The following RIPOR3 variants were observed in gnomAD, a reference collection of about 807,000 sequenced individuals.
RIPOR3 encodes the protein family with sequence similarity 65 member C.
RIPOR3 carries 95 observed loss-of-function variants against 114.3 expected under a neutral mutation model. That is an observed-to-expected ratio of 0.83 (90% confidence interval 0.70 to 0.99). RIPOR3 has a LOEUF of 0.99. Ranked by LOEUF, RIPOR3 falls within the 50% of genes least tolerant of loss-of-function variation. The pLI, the probability that RIPOR3 is intolerant of heterozygous loss-of-function variation, is 0.00. For synonymous variants in RIPOR3, 575 were observed against 543.8 expected (o/e 1.06, Z -0.80); for missense variants, 1,252 against 1,266.9 (o/e 0.99, Z 0.18).
chr20:50,592,772 G>A (rs1372613611), intron 18 of RIPOR3, among the ~76,000 whole-genome samples: 1 of 152,114 alleles, frequency 6.6e-6, no homozygotes, highest in Non-Finnish European at 1.5e-5. Context: ...TAAAACCACA[G>A]CCCACACTTC....
intron 1 of RIPOR3, among the ~76,000 whole-genome samples, chr20:50,637,580 G>A (rs922957875): frequency 6.6e-6 from 1 of 152,014 alleles, no homozygotes; most frequent in African/African-American, 2.4e-5. Flanking sequence ...AAAGTTTTTG[G>A]GGCCAGGCAC....
chr20:50,588,326 AC>A (rs1198750422), intron 20 of RIPOR3, among the ~76,000 whole-genome samples: 6 of 152,360 alleles, frequency 3.9e-5, no homozygotes, highest in African/African-American at 1.4e-4. Context: ...AGCGCCCTCT[AC>A]TGGGCACCTG....
chr20:50,611,318 C>T, intron 4 of RIPOR3, 114 bp from the exon 5 acceptor site: 1 of 1,392,488 alleles, frequency 7.2e-7, no homozygotes, highest in South Asian at 1.2e-5. Context: ...GACAGAAAGC[C>T]ATGTCTACAG....
intron 1 of RIPOR3, among the ~76,000 whole-genome samples, chr20:50,679,104 C>CA (rs1215128742): frequency 1.7e-4 from 6 of 35,980 alleles, no homozygotes; most frequent in African/African-American, 1.1e-3. Flanking sequence ...GATCCTGTCT[C>CA]AAAAAAAAAA....
intron 1 of RIPOR3, among the ~76,000 whole-genome samples, chr20:50,688,675 C>G (rs888204306): frequency 6.6e-6 from 1 of 152,112 alleles, no homozygotes; most frequent in Admixed American, 6.6e-5. Context: ...CACATCTGCC[C>G]AGAACCCAGG....
At chr20:50,645,803 G>C (rs1020699612) in intron 1 of RIPOR3, 1 of 152,222 alleles carries the variant, frequency 6.6e-6, no homozygotes, top group Non-Finnish European at 1.5e-5. Flanking sequence ...CGGTGGAGCC[G>C]GGTCTGTTTG....
intron 1 of RIPOR3, among the ~76,000 whole-genome samples, chr20:50,674,149 G>A (rs1186547540): frequency 6.6e-6 from 1 of 152,176 alleles, no homozygotes; most frequent in Non-Finnish European, 1.5e-5. Flanking sequence ...GTGTGGGCCA[G>A]GAAAGAGCAT....
chr20:50,676,717 GCTC>G (rs1342552093), intron 1 of RIPOR3, among the ~76,000 whole-genome samples: 2 of 151,256 alleles, frequency 1.3e-5, no homozygotes, highest in Admixed American at 6.6e-5. Flanking sequence ...CTCCCTAAGG[GCTC>G]CACAACATCA....
chr20:50,635,660 G>C (rs1186322622), intron 1 of RIPOR3, among the ~76,000 whole-genome samples: 1 of 150,956 alleles, frequency 6.6e-6, no homozygotes, highest in Admixed American at 6.6e-5. Flanking sequence ...CTCAAAAGAA[G>C]GAAAGGAAGG....
intron 1 of RIPOR3, among the ~76,000 whole-genome samples, chr20:50,634,710 C>A (rs1257707629): frequency 6.6e-6 from 1 of 152,182 alleles, no homozygotes; most frequent in African/African-American, 2.4e-5. Context: ...GACTCTAAGG[C>A]AAAGATGGAC....
chr20:50,641,065 A>G (rs2085173933), intron 1 of RIPOR3, among the ~76,000 whole-genome samples: 1 of 150,654 alleles, frequency 6.6e-6, no homozygotes, highest in Non-Finnish European at 1.5e-5. Context: ...ATGCACCACC[A>G]CGCCTGGGTA....
At chr20:50,643,706 CTTTTTTTTTT>C (rs71190582) in intron 1 of RIPOR3, among the ~76,000 whole-genome samples, 20 of 134,930 alleles carry the variant, frequency 1.5e-4, no homozygotes, top group African/African-American at 5.6e-4. Context: ...TTCTTTCTTT[CTTTTTTTTTT>C]TTTTTTTGAG....
rs140834385 is a variant in RIPOR3, at chr20:50,685,177, G to A, written c.3+5949C>T. 3.7e-3 allele frequency among the ~76,000 whole-genome samples: 557 copies of A among 151,934 alleles called. 2 individuals carry two copies. The highest frequency in any genetic ancestry group is 0.013 in the African/African-American group (536 of 41,428). Reference sequence around the variant, plus strand: ...AGACCTGGTTATAAAGTAGAGACATGGCCATCCAAACTGAGCCCTTCTTGA... The same window carrying A: ...AGACCTGGTTATAAAGTAGAGACATAGCCATCCAAACTGAGCCCTTCTTGA... On this transcript the variant is annotated intron_variant, in intron 1 of 21. Coordinates refer to ENST00000327979, the MANE Select transcript of RIPOR3 (RefSeq NM_001290268.2).
intron 2 of RIPOR3, among the ~76,000 whole-genome samples, chr20:50,622,692 C>CAGAGAGAGAG (rs139986638): frequency 6.7e-6 from 1 of 150,208 alleles, no homozygotes; most frequent in African/African-American, 2.4e-5. Context: ...CTCTGGACTG[C>CAGAGAGAGAG]AGAGAGAGAG....
At chr20:50,663,251 T>G (rs2086062958) in intron 1 of RIPOR3, among the ~76,000 whole-genome samples, 1 of 152,182 alleles carries the variant, frequency 6.6e-6, no homozygotes, top group Admixed American at 6.5e-5. Flanking sequence ...GCAAGTGACC[T>G]GAGGCTGGGA....
Position 50,608,251 on chromosome 20 carries a change from G to C in RIPOR3, c.956+138C>G, listed in dbSNP as rs754670130. ...GCCTCGACCTGACTGAGGGGTGGGA[G>C]TGAGGGACAGATGAGGACCCGTGAG... On this transcript the variant is annotated intron_variant, in intron 11 of 21. Transcript: ENST00000327979. The C allele has an allele frequency of 3.9e-5, 47 of 1,210,396 alleles. 1 individual carries two copies. The South Asian group carries it at 6.9e-4, about 18-fold the overall frequency. The allele number at this position is 1,210,396 out of a possible 1,614,324, so 75.0% of individuals were successfully genotyped here. A position where few individuals can be genotyped will look rare whatever the true frequency, so the allele number is the denominator to read the frequency against.
At chr20:50,685,566 G>A (rs1469505601) in intron 1 of RIPOR3, among the ~76,000 whole-genome samples, 1 of 151,402 alleles carries the variant, frequency 6.6e-6, no homozygotes, top group Admixed American at 6.6e-5. Flanking sequence ...GCCCACACCT[G>A]TAATCCCAGC....
At chr20:50,684,309 T>C (rs1242545296) in intron 1 of RIPOR3, among the ~76,000 whole-genome samples, 6 of 152,144 alleles carry the variant, frequency 3.9e-5, no homozygotes, top group Non-Finnish European at 8.8e-5. Context: ...CTGCGCGATA[T>C]GAACAAGTGG....
intron 14 of RIPOR3, 25 bp downstream of exon 14, chr20:50,597,555 C>T (rs1384822230): frequency 1.4e-5 from 23 of 1,589,668 alleles, no homozygotes; most frequent in Non-Finnish European, 2.0e-5. Context: ...GCCACTGGGT[C>T]ACTGCTGGAA....
Sources: gnomAD v4.1 joint callset for allele counts (sites outside exome capture counted in the v4.1 genomes callset) on GRCh38, gnomAD v4.1.1 for gene constraint, MANE v1.5 for transcripts, NCBI Gene and HGNC (gene_info 2026-07-23, HGNC 2026-07-21) for gene names.